Variants in SLC22A23 observed in about 807,000 individuals in gnomAD.
SLC22A23 encodes the protein solute carrier family 22 member 23, also known as ion transporter protein.
In SLC22A23, 26 loss-of-function variants were observed where a neutral mutation model predicts 61.0. The observed-to-expected ratio is 0.43, with a 90% CI of 0.31 to 0.59. The LOEUF is 0.59. SLC22A23 is among the 20% of genes least tolerant of loss of function. The pLI, the probability that SLC22A23 is intolerant of heterozygous loss-of-function variation, is 0.11. For missense variants in SLC22A23, 796 were observed against 934.7 expected (o/e 0.85, Z 1.94); for synonymous variants, 430 against 413.9 (o/e 1.04, Z -0.47).
intron 9 of SLC22A23, among the ~76,000 whole-genome samples, chr6:3,276,128 T>TG (rs879535797): frequency 3.8e-4 from 58 of 152,166 alleles, no homozygotes; most frequent in African/African-American, 1.4e-3. Context: ...TGTGTGTGTG[T>TG]TGGGGGCTTT....
Position 3,269,154 on chromosome 6 carries a change from T to A in SLC22A23, c.*3901A>T, listed in dbSNP as rs886392632. 5 of 108,260 alleles carry A rather than the reference T, an allele frequency of 4.6e-5. No individual in the cohort carries two copies. The highest frequency in any genetic ancestry group is 1.5e-4 in the African/African-American group (4 of 27,050). The allele number at this position is 108,260 out of a possible 1,614,324, so 6.7% of individuals were successfully genotyped here. ...AACATACACGAACAAGGGAAAAAAATTCCTCTTAATTTTACTGATGGCCCC... is the reference window on the plus strand; with the variant it reads ...AACATACACGAACAAGGGAAAAAAAATCCTCTTAATTTTACTGATGGCCCC... On this transcript the variant is annotated 3_prime_UTR_variant, in exon 10 of 10. Transcript: ENST00000406686.
intron 3 of SLC22A23, among the ~76,000 whole-genome samples, chr6:3,344,631 A>C (rs1448421420): frequency 6.6e-6 from 1 of 152,248 alleles, no homozygotes; most frequent in East Asian, 1.9e-4. Context: ...TAATTTGTAC[A>C]CATAGAGTGA....
intron 4 of SLC22A23, among the ~76,000 whole-genome samples, chr6:3,315,322 T>C (rs1157158501): frequency 6.6e-6 from 1 of 152,200 alleles, no homozygotes; most frequent in African/African-American, 2.4e-5. Flanking sequence ...CCTGGAACAC[T>C]GCCGTGACTG....
At chr6:3,404,153 A>G (rs939960877) in intron 3 of SLC22A23, among the ~76,000 whole-genome samples, 2 of 152,218 alleles carry the variant, frequency 1.3e-5, no homozygotes, top group Non-Finnish European at 1.5e-5. Flanking sequence ...CAAATACTCT[A>G]ATTTTAAAAT....
At chr6:3,336,519 C>T (rs765076912) in intron 3 of SLC22A23, among the ~76,000 whole-genome samples, 2 of 152,238 alleles carry the variant, frequency 1.3e-5, no homozygotes, top group African/African-American at 2.4e-5. Flanking sequence ...CCCCTTCTCA[C>T]AGGCTGCTCT....
intron 1 of SLC22A23, among the ~76,000 whole-genome samples, chr6:3,417,179 A>T (rs527465895): frequency 6.6e-6 from 1 of 152,294 alleles, no homozygotes; most frequent in African/African-American, 2.4e-5. Context: ...GGCTGGGATA[A>T]GTAGAAAGCC....
At position 3,285,131 on chromosome 6, in the gene SLC22A23, C is replaced by G. The variant is rs752357584; in HGVS notation, c.1547-20G>C. On this transcript the variant is annotated intron_variant, in intron 7 of 9. Transcript: ENST00000406686. ...CAATCACTGGACCCGCAGACATGAT[C>G]GCACCCACACGGACAAGGGCCAAGC... 4 of 1,613,018 alleles carry G rather than the reference C, an allele frequency of 2.5e-6. No homozygotes were observed. The highest frequency in any genetic ancestry group is 1.7e-4 in the Middle Eastern group (1 of 6,044).
At chr6:3,364,352 A>C (rs1765668980) in intron 3 of SLC22A23, among the ~76,000 whole-genome samples, 1 of 152,200 alleles carries the variant, frequency 6.6e-6, no homozygotes, top group Admixed American at 6.5e-5. Context: ...TCTCTACAGT[A>C]AATTACTCAA....
chr6:3,394,342 G>A (rs1767866760), intron 3 of SLC22A23, among the ~76,000 whole-genome samples: 1 of 152,146 alleles, frequency 6.6e-6, no homozygotes, highest in African/African-American at 2.4e-5. Context: ...GTATGTGGTT[G>A]GTGGGCTCTA....
At chr6:3,432,725 G>C (rs1269734093) in intron 1 of SLC22A23, among the ~76,000 whole-genome samples, 4 of 152,154 alleles carry the variant, frequency 2.6e-5, no homozygotes, top group Non-Finnish European at 5.9e-5. Context: ...TGAAGCCCTG[G>C]GAAAATCTTA....
chr6:3,423,380 C>T (rs1770277094), intron 1 of SLC22A23, among the ~76,000 whole-genome samples: 1 of 152,144 alleles, frequency 6.6e-6, no homozygotes, highest in South Asian at 2.1e-4. Context: ...CGTTCTTATT[C>T]GTTTTGTACA....
At position 3,273,214 on chromosome 6, in the gene SLC22A23, C is replaced by G; in HGVS notation, c.1902G>C (p.Glu634Asp). Residue 634 changes from glutamate (E) to aspartate (D), a missense_variant, in exon 10 of 10, where the codon GAG becomes GAC. Glu to Asp is a conservative substitution (Grantham distance 45, BLOSUM62 2). Coordinates refer to ENST00000406686, the MANE Select transcript of SLC22A23 (RefSeq NM_015482.2). ...GCAGCAGCGGCTGGCGCGTGTAGTG[C>G]TCCCCGTTAGAAATGTTCTCAGGCA... is the stretch of plus-strand genomic sequence containing the variant. ...QNLPENISNG[E>D]HYTRQPLLPH... is the part of the protein sequence containing the mutation. 6.2e-7 allele frequency: 1 copy of G among 1,613,182 alleles called. No homozygotes were observed. Among genetic ancestry groups the G allele is most frequent in the Non-Finnish European group, 8.5e-7 (1 of 1,179,574 alleles).
At chr6:3,352,386 C>T (rs1468231802) in intron 3 of SLC22A23, among the ~76,000 whole-genome samples, 10 of 152,030 alleles carry the variant, frequency 6.6e-5, no homozygotes, top group African/African-American at 1.9e-4. Flanking sequence ...CACAGACACA[C>T]TCACACACAG....
At chr6:3,402,241 T>C (rs1342712875) in intron 3 of SLC22A23, among the ~76,000 whole-genome samples, 1 of 152,156 alleles carries the variant, frequency 6.6e-6, no homozygotes, top group Non-Finnish European at 1.5e-5. Flanking sequence ...CTTCTTTTCC[T>C]CTTTGGCCTG....
chr6:3,397,901 G>A (rs575386880), intron 3 of SLC22A23, among the ~76,000 whole-genome samples: 1 of 152,180 alleles, frequency 6.6e-6, no homozygotes, highest in Non-Finnish European at 1.5e-5. Flanking sequence ...ACACAATCAC[G>A]CTCCAAGCAC....
chr6:3,280,206 C>T (rs1456947076), intron 9 of SLC22A23, among the ~76,000 whole-genome samples: 3 of 152,198 alleles, frequency 2.0e-5, no homozygotes, highest in African/African-American at 7.2e-5. Flanking sequence ...CTCCATTCTC[C>T]ACCCCCGCCT....
chr6:3,388,440 T>C (rs1226040415), intron 3 of SLC22A23, among the ~76,000 whole-genome samples: 1 of 151,960 alleles, frequency 6.6e-6, no homozygotes, highest in African/African-American at 2.4e-5. Flanking sequence ...ACTGAAACCC[T>C]TGTGGCCTGC....
chr6:3,429,455 C>T (rs992504159), intron 1 of SLC22A23, among the ~76,000 whole-genome samples: 2 of 151,316 alleles, frequency 1.3e-5, no homozygotes, highest in Admixed American at 6.6e-5. Context: ...CACCTCTCTG[C>T]GGAAGGACAG....
intron 1 of SLC22A23, among the ~76,000 whole-genome samples, chr6:3,434,025 T>C (rs1386548858): frequency 6.6e-6 from 1 of 152,152 alleles, no homozygotes; most frequent in Non-Finnish European, 1.5e-5. Context: ...CTTTAAAAAA[T>C]CTGTGAAAGC....
Sources: gnomAD v4.1 joint callset for allele counts (sites outside exome capture counted in the v4.1 genomes callset) on GRCh38, gnomAD v4.1.1 for gene constraint, MANE v1.5 for transcripts, NCBI Gene and HGNC (gene_info 2026-07-23, HGNC 2026-07-21) for gene names.